Variants in MAN1A2 observed in about 807,000 individuals in gnomAD.
MAN1A2 encodes the protein mannosidase alpha class 1A member 2, also known as mannosyl-oligosaccharide 1,2-alpha-mannosidase IB.
A neutral mutation model predicts 75.7 loss-of-function variants in MAN1A2; 26 were observed. That is an observed-to-expected ratio of 0.34 (90% CI 0.25 to 0.48). The LOEUF (loss-of-function observed/expected upper bound fraction) is 0.48, where lower values mean the gene tolerates loss of function less well. Ranked by LOEUF, MAN1A2 falls within the 20% of genes least tolerant of loss-of-function variation. MAN1A2 has a pLI of 0.99. For synonymous variants in MAN1A2, 247 were observed against 264.6 expected (o/e 0.93, Z 0.65); for missense variants, 562 against 775.5 (o/e 0.72, Z 3.27).
At chr1:117,457,853 C>T (rs959673570) in intron 6 of MAN1A2, among the ~76,000 whole-genome samples, 2 of 152,122 alleles carry the variant, frequency 1.3e-5, no homozygotes, top group Non-Finnish European at 2.9e-5. Context: ...TTATACCTTG[C>T]TTTCTAACCT....
intron 8 of MAN1A2, among the ~76,000 whole-genome samples, chr1:117,488,470 G>C (rs1009676284): frequency 2.6e-5 from 4 of 151,906 alleles, no homozygotes; most frequent in African/African-American, 9.7e-5. Flanking sequence ...TGCTGGGATT[G>C]CAGGCGTGAG....
At position 117,419,749 on chromosome 1, in the gene MAN1A2, TAG is replaced by T. The variant is rs530797735; in HGVS notation, c.775-816_775-815del. Among the ~76,000 whole-genome samples, 41 of 152,126 alleles carry T rather than the reference TAG, an allele frequency of 2.7e-4. No individual in the cohort carries two copies. In the South Asian group the frequency reaches 8.3e-3, roughly 31 times the overall value. ...CTATATCAATATGTAAATACAAACA[TAG>T]AGACTCTATTTAGTAAGGTTATTAA... On this transcript the variant is annotated intron_variant, in intron 4 of 12. Transcript: ENST00000356554.
In MAN1A2 at chr1:117,458,523, A is replaced by ATTTTTTTTTTTTTTTT. The variant is rs5777311; in HGVS notation, c.951-1964_951-1949dup. Among the ~76,000 whole-genome samples the ATTTTTTTTTTTTTTTT allele has an allele frequency of 1.9e-3, 197 of 105,492 alleles. 7 individuals carry two copies. Among genetic ancestry groups the ATTTTTTTTTTTTTTTT allele is most frequent in the African/African-American group, 2.6e-3 (74 of 28,984 alleles). 69.2% of individuals were successfully genotyped at this position (105,492 alleles called of 152,430 possible). A position where few individuals can be genotyped will look rare whatever the true frequency, so the allele number is the denominator to read the frequency against. On this transcript the variant is annotated intron_variant, in intron 6 of 12. Coordinates refer to ENST00000356554, the MANE Select transcript of MAN1A2 (RefSeq NM_006699.5). ...TATATATATATATAGATATATATAT[A>ATTTTTTTTTTTTTTTT]TTTTTTTTTTTTTTTTTGAGACAGA... is the stretch of plus-strand genomic sequence containing the variant.
At position 117,368,300 on chromosome 1, in the gene MAN1A2, TCTC is replaced by T. The variant is rs1316457475; in HGVS notation, c.120_122del (p.Leu41del). ...TGAGACTTTCTGAGAAGTTTATTCTTCTCCTTATTCTTAGTGCCTTCATCACTC... is the reference window on the plus strand; with the variant it reads ...TGAGACTTTCTGAGAAGTTTATTCTTCTTATTCTTAGTGCCTTCATCACTC... On this transcript the variant is annotated inframe_deletion, in exon 1 of 13. Transcript: ENST00000356554. 2 of 1,614,172 alleles carry T rather than the reference TCTC, an allele frequency of 1.2e-6. No individual in the cohort carries two copies. Among genetic ancestry groups the T allele is most frequent in the Non-Finnish European group, 1.7e-6 (2 of 1,180,024 alleles).
At chr1:117,423,823 A>G (rs1648274521) in intron 5 of MAN1A2, among the ~76,000 whole-genome samples, 1 of 152,062 alleles carries the variant, frequency 6.6e-6, no homozygotes, top group African/African-American at 2.4e-5. Flanking sequence ...AGTGGCATTA[A>G]AAACAACATT....
intron 12 of MAN1A2, among the ~76,000 whole-genome samples, chr1:117,521,768 G>A (rs1005240774): frequency 3.3e-5 from 5 of 151,822 alleles, no homozygotes; most frequent in African/African-American, 1.2e-4. Flanking sequence ...ACCCAAATGC[G>A]TGGAACCAAC....
intron 1 of MAN1A2, among the ~76,000 whole-genome samples, chr1:117,377,574 C>T (rs1206970417): frequency 6.6e-6 from 1 of 152,106 alleles, no homozygotes; most frequent in Non-Finnish European, 1.5e-5. Context: ...CAAGAATGTC[C>T]CCTGAAGCTA....
intron 8 of MAN1A2, among the ~76,000 whole-genome samples, chr1:117,471,915 G>A (rs1034196092): frequency 3.3e-5 from 5 of 151,860 alleles, no homozygotes; most frequent in African/African-American, 4.8e-5. Context: ...AACAAGATTA[G>A]TTTTATTCTG....
In MAN1A2 at chr1:117,368,845, C is replaced by T. The variant is rs113649993; in HGVS notation, c.302+360C>T. ...AAGCTGTGCCTGCATTTATTAATAACGTGTTGGAGTCAGTCATTGTGCCAC... is the reference window on the plus strand; with the variant it reads ...AAGCTGTGCCTGCATTTATTAATAATGTGTTGGAGTCAGTCATTGTGCCAC... On this transcript the variant is annotated intron_variant, in intron 1 of 12. Coordinates refer to ENST00000356554, the MANE Select transcript of MAN1A2 (RefSeq NM_006699.5). Among the ~76,000 whole-genome samples, 329 of 152,264 alleles carry T rather than the reference C, an allele frequency of 2.2e-3. 1 individual carries two copies. The highest frequency in any genetic ancestry group is 0.017 in the Middle Eastern group (5 of 294).
chr1:117,375,037 G>C (rs921543228), intron 1 of MAN1A2, among the ~76,000 whole-genome samples: 6 of 152,110 alleles, frequency 3.9e-5, no homozygotes, highest in African/African-American at 1.4e-4. Context: ...TAGTTTTAAA[G>C]TATAGTTTAT....
At chr1:117,498,956 G>A (rs1651114146) in intron 10 of MAN1A2, among the ~76,000 whole-genome samples, 1 of 151,538 alleles carries the variant, frequency 6.6e-6, no homozygotes, top group South Asian at 2.1e-4. Flanking sequence ...TTCCTTATAT[G>A]TGTGTATTAT....
At chr1:117,402,109 C>A in intron 1 of MAN1A2, 77 bp from the exon 2 acceptor site, 12 of 1,423,986 alleles carry the variant, frequency 8.4e-6, no homozygotes, top group East Asian at 2.3e-5. Flanking sequence ...AATGGAGAAA[C>A]CTTTATGTTT....
intron 1 of MAN1A2, among the ~76,000 whole-genome samples, chr1:117,400,116 T>C (rs1023601889): frequency 1.3e-5 from 2 of 152,092 alleles, no homozygotes; most frequent in Admixed American, 1.3e-4. Context: ...AGATCAGCCC[T>C]CATGTCAGTT....
At position 117,447,963 on chromosome 1, in the gene MAN1A2, G is replaced by A. The variant is rs1223166843; in HGVS notation, c.950+5638G>A. On this transcript the variant is annotated intron_variant, in intron 6 of 12. Transcript: ENST00000356554. ...AGTTTTTTCTAATTCTGTGAAGAATGTCAGTGATTTAATGGAAATAGCATT... is the reference window on the plus strand; with the variant it reads ...AGTTTTTTCTAATTCTGTGAAGAATATCAGTGATTTAATGGAAATAGCATT... Among the ~76,000 whole-genome samples the A allele has an allele frequency of 3.9e-5, 6 of 152,244 alleles. No homozygotes were observed. The South Asian group carries it at 1.0e-3, about 26-fold the overall frequency.
At chr1:117,497,407 A>G (rs1651064767) in intron 10 of MAN1A2, among the ~76,000 whole-genome samples, 1 of 151,968 alleles carries the variant, frequency 6.6e-6, no homozygotes, top group African/African-American at 2.4e-5. Context: ...ATTTATCTTT[A>G]TTGGTATCTG....
intron 1 of MAN1A2, among the ~76,000 whole-genome samples, chr1:117,376,199 C>G (rs559597446): frequency 6.6e-6 from 1 of 152,318 alleles, no homozygotes; most frequent in East Asian, 1.9e-4. Context: ...CGTGAGCCCA[C>G]TGCGCCCGGC....
At chr1:117,409,307 AT>A (rs1647728896) in intron 3 of MAN1A2, among the ~76,000 whole-genome samples, 1 of 151,852 alleles carries the variant, frequency 6.6e-6, no homozygotes, top group African/African-American at 2.4e-5. Context: ...GTTTTGATAT[AT>A]TTTCATTTTC....
rs183350482 is a variant in MAN1A2 at position 117,493,589 on chromosome 1, T to C, written c.1284+327T>C. ...TGAGGTCAGGAGTTCAAGACCAGCCTGGCCAACATGGTGAAAACCCATCTC... is the reference window on the plus strand; with the variant it reads ...TGAGGTCAGGAGTTCAAGACCAGCCCGGCCAACATGGTGAAAACCCATCTC... On this transcript the variant is annotated intron_variant, in intron 9 of 12. Coordinates refer to ENST00000356554, the MANE Select transcript of MAN1A2 (RefSeq NM_006699.5). 1,039 of 168,706 alleles carry C rather than the reference T, an allele frequency of 6.2e-3. 9 individuals carry two copies. The highest frequency in any genetic ancestry group is 0.01 in the Non-Finnish European group (806 of 78,842). The allele number at this position is 168,706 out of a possible 1,614,324, so 10.5% of individuals were successfully genotyped here.
chr1:117,431,072 G>T (rs866767940), intron 5 of MAN1A2, among the ~76,000 whole-genome samples: 1 of 140,472 alleles, frequency 7.1e-6, no homozygotes, highest in African/African-American at 2.7e-5. Flanking sequence ...GGCAGCGCGT[G>T]CCTGCAATCG....
Sources: gnomAD v4.1 joint callset for allele counts (sites outside exome capture counted in the v4.1 genomes callset) on GRCh38, gnomAD v4.1.1 for gene constraint, MANE v1.5 for transcripts, NCBI Gene and HGNC (gene_info 2026-07-23, HGNC 2026-07-21) for gene names.